RHOT1: variants seen among roughly 807,000 people sequenced by gnomAD.
RHOT1 encodes the protein ras homolog family member T1, also known as mitochondrial Rho GTPase 1.
Under a neutral mutation model 95.3 loss-of-function variants are expected in RHOT1, and 27 were observed. The ratio of observed to expected loss-of-function variants is 0.28; its 90% CI spans 0.21 to 0.39. The LOEUF is 0.39. Ranked by LOEUF, RHOT1 falls within the 10% of genes least tolerant of loss-of-function variation. RHOT1 has a pLI of 1.00. For missense variants in RHOT1, 578 were observed against 786.7 expected (o/e 0.73, Z 3.17); for synonymous variants, 227 against 263.5 (o/e 0.86, Z 1.34).
intron 19 of RHOT1, among the ~76,000 whole-genome samples, chr17:32,212,134 A>T (rs1240350264): frequency 6.6e-6 from 1 of 152,224 alleles, no homozygotes; most frequent in African/African-American, 2.4e-5. Flanking sequence ...TAAATATTCA[A>T]TTTTGGTTAG....
At chr17:32,165,850 A>G (rs2034027188) in intron 1 of RHOT1, among the ~76,000 whole-genome samples, 1 of 152,176 alleles carries the variant, frequency 6.6e-6, no homozygotes, top group Admixed American at 6.5e-5. Context: ...ACCACAGTAA[A>G]GTGGCTCACA....
At chr17:32,154,863 C>T (rs538191952) in intron 1 of RHOT1, among the ~76,000 whole-genome samples, 22 of 150,880 alleles carry the variant, frequency 1.5e-4, no homozygotes, top group Non-Finnish European at 2.8e-4. Flanking sequence ...CCATGCACTC[C>T]AGCTTGGGCA....
chr17:32,145,371 T>G (rs994495511), intron 1 of RHOT1, among the ~76,000 whole-genome samples: 2 of 152,166 alleles, frequency 1.3e-5, no homozygotes, highest in Non-Finnish European at 2.9e-5. Flanking sequence ...CTTTTTAAAT[T>G]AAATTGAGAT....
intron 1 of RHOT1, among the ~76,000 whole-genome samples, chr17:32,145,512 A>G (rs2031181801): frequency 6.6e-6 from 1 of 152,196 alleles, no homozygotes; most frequent in South Asian, 2.1e-4. Flanking sequence ...AACTACTTCA[A>G]AATTCCACTG....
intron 18 of RHOT1, 168 bp downstream of exon 18, chr17:32,208,477 A>G: frequency 1.6e-6 from 1 of 645,132 alleles, no homozygotes; most frequent in Non-Finnish European, 2.7e-6. Flanking sequence ...TTTGAATGCC[A>G]TAATAAAATG....
chr17:32,149,869 C>T (rs2032068292), intron 1 of RHOT1, among the ~76,000 whole-genome samples: 1 of 151,708 alleles, frequency 6.6e-6, no homozygotes, highest in South Asian at 2.1e-4. Context: ...TTGCCTCAGC[C>T]TCCATAGTAG....
chr17:32,197,634 T>C lies in RHOT1; in HGVS notation c.870-1313T>C, dbSNP rs1177813107. Among the ~76,000 whole-genome samples the C allele has an allele frequency of 2.0e-5, 3 of 152,120 alleles. No homozygotes were observed. The South Asian group carries it at 6.2e-4, about 32-fold the overall frequency. ...TAGTAGAGACGGGGTTTCACCGTGT[T>C]GTCCAGGATGGTCTCAATCTCTTGA... On this transcript the variant is annotated intron_variant, in intron 11 of 19. Transcript: ENST00000545287.
intron 3 of RHOT1, 29 bp from the exon 4 acceptor site, chr17:32,175,290 A>G: frequency 1.2e-6 from 2 of 1,605,282 alleles, no homozygotes; most frequent in Non-Finnish European, 8.5e-7. Flanking sequence ...TGTCTGCAAT[A>G]TGAAACATTG....
At chr17:32,188,990 A>G (rs1356626006) in intron 8 of RHOT1, among the ~76,000 whole-genome samples, 2 of 152,178 alleles carry the variant, frequency 1.3e-5, no homozygotes, top group African/African-American at 4.8e-5. Flanking sequence ...ATAGTCACTA[A>G]GTGTTACTTG....
At chr17:32,195,353 ATCT>A (rs2036800753) in intron 11 of RHOT1, among the ~76,000 whole-genome samples, 2 of 152,082 alleles carry the variant, frequency 1.3e-5, no homozygotes, top group South Asian at 4.2e-4. Context: ...GCCTCAAATG[ATCT>A]TCTTGCCTCA....
intron 2 of RHOT1, 148 bp downstream of exon 2, chr17:32,171,249 C>T: frequency 1.7e-6 from 1 of 585,716 alleles, no homozygotes; most frequent in Non-Finnish European, 3.0e-6. Context: ...GAGACAGGGT[C>T]TCACTCTATT....
rs192059315 is a variant in RHOT1 at position 32,193,390 on chromosome 17, T to C, written c.748+146T>C. 2.9e-4 allele frequency: 185 copies of C among 644,078 alleles called. No individual in the cohort carries two copies. In the East Asian group the frequency reaches 5.1e-3, roughly 18 times the overall value. 39.9% of individuals were successfully genotyped at this position (644,078 alleles called of 1,614,324 possible). On this transcript the variant is annotated intron_variant, in intron 10 of 19. Transcript: ENST00000545287. The stretch of plus-strand genomic sequence containing the variant: ...AAAGTCTGATTTGGATATTTATGAG[T>C]TGGGAGGGACAGGCCATTGTTGGGG...
chr17:32,187,540 C>T (rs934571738), intron 8 of RHOT1, among the ~76,000 whole-genome samples: 4 of 152,160 alleles, frequency 2.6e-5, no homozygotes, highest in African/African-American at 4.8e-5. Flanking sequence ...TCATGGCCTA[C>T]CACCTATTTT....
intron 11 of RHOT1, 51 bp downstream of exon 11, chr17:32,194,158 G>A: frequency 3.8e-6 from 6 of 1,576,028 alleles, no homozygotes; most frequent in Non-Finnish European, 5.2e-6. Context: ...TTTTTATTGA[G>A]ACAGGATCTC....
chr17:32,142,969 C>T, intron 1 of RHOT1: 5 of 714,514 alleles, frequency 7.0e-6, no homozygotes, highest in South Asian at 4.5e-5. Context: ...GATCTCCTTT[C>T]CCTGTTCCCC....
chr17:32,152,422 CAGA>C (rs746607688), intron 1 of RHOT1, among the ~76,000 whole-genome samples: 4 of 152,162 alleles, frequency 2.6e-5, no homozygotes, highest in Non-Finnish European at 5.9e-5. Flanking sequence ...ATGGGAAAAG[CAGA>C]AGGAGACTGT....
At chr17:32,176,399 G>A (rs1221399874) in intron 6 of RHOT1, among the ~76,000 whole-genome samples, 186 bp downstream of exon 6, 1 of 151,986 alleles carries the variant, frequency 6.6e-6, no homozygotes, top group African/African-American at 2.4e-5. Context: ...CCTTTTTTGG[G>A]GGGATTCATT....
intron 6 of RHOT1, among the ~76,000 whole-genome samples, chr17:32,177,622 G>A (rs1322673768): frequency 6.6e-6 from 1 of 151,586 alleles, no homozygotes; most frequent in African/African-American, 2.4e-5. Context: ...GGGTGTGGTG[G>A]GAGGCGCCTG....
chr17:32,196,001 T>A (rs1338100786), intron 11 of RHOT1, among the ~76,000 whole-genome samples: 1 of 152,180 alleles, frequency 6.6e-6, no homozygotes, highest in African/African-American at 2.4e-5. Context: ...CAGTTTTTTT[T>A]AATCCTCTTT....
Sources: gnomAD v4.1 joint callset for allele counts (sites outside exome capture counted in the v4.1 genomes callset) on GRCh38, gnomAD v4.1.1 for gene constraint, MANE v1.5 for transcripts, NCBI Gene and HGNC (gene_info 2026-07-23, HGNC 2026-07-21) for gene names.